The following IQCH variants were observed in gnomAD, a reference collection of about 807,000 sequenced individuals.
The protein encoded by IQCH is IQ domain-containing protein H.
A neutral mutation model predicts 117.0 loss-of-function variants in IQCH; 98 were observed. That is an observed-to-expected ratio of 0.84 (90% CI 0.71 to 0.99). IQCH has a LOEUF of 0.99. Among genes scored for constraint, IQCH ranks in the 50% least tolerant of loss-of-function variants. The probability of loss-of-function intolerance (pLI) is 0.00; values close to 1 mark genes in which losing one functional copy is unlikely to be tolerated. For synonymous variants in IQCH, 412 were observed against 448.2 expected, an observed-to-expected ratio of 0.92 and a Z score of 1.02; for missense variants, 1,102 against 1,243.8, an observed-to-expected ratio of 0.89 and a Z score of 1.72.
intron 4 of IQCH, among the ~76,000 whole-genome samples, chr15:67,291,487 A>G (rs979872682): frequency 2.0e-5 from 3 of 152,220 alleles, no homozygotes; most frequent in African/African-American, 7.2e-5. Context: ...CATAAAAAAA[A>G]TACTGTGCTC....
chr15:67,333,285 C>A (rs540101939), intron 4 of IQCH, among the ~76,000 whole-genome samples: 1 of 152,318 alleles, frequency 6.6e-6, no homozygotes, highest in Admixed American at 6.5e-5. Flanking sequence ...AACTACAAAA[C>A]AACAAATCTG....
At position 67,465,361 on chromosome 15, in the gene IQCH, C is replaced by A. The variant is rs1250156554; in HGVS notation, c.2676+64C>A. 1 of 1,528,740 alleles carries A rather than the reference C, an allele frequency of 6.5e-7. No individual in the cohort carries two copies. The highest frequency in any genetic ancestry group is 2.2e-5 in the East Asian group (1 of 44,510). 94.7% of individuals were successfully genotyped at this position (1,528,740 alleles called of 1,614,324 possible). A position where few individuals can be genotyped will look rare whatever the true frequency, so the allele number is the denominator to read the frequency against. ...GCAACACCCACTGCCACTGCCTGAG[C>A]TCTGTCTAGGAGCCAGGATCTTTGA... On this transcript the variant is annotated intron_variant, in intron 17 of 20. Coordinates refer to ENST00000335894, the MANE Select transcript of IQCH (RefSeq NM_001031715.3). This position sits in a 1 kb window ranked among gnomAD's most constrained non-coding sequence, Gnocchi z 5.9.
intron 12 of IQCH, among the ~76,000 whole-genome samples, chr15:67,392,173 G>C (rs941326138): frequency 6.6e-6 from 1 of 152,162 alleles, no homozygotes; most frequent in Admixed American, 6.5e-5. Flanking sequence ...TCAGTGACAT[G>C]TGGATCAAAT....
At chr15:67,284,221 T>C (rs1456286333) in intron 4 of IQCH, among the ~76,000 whole-genome samples, 3 of 152,156 alleles carry the variant, frequency 2.0e-5, no homozygotes, top group African/African-American at 7.2e-5. Flanking sequence ...CTAGTAACTA[T>C]CCTTCTACTT....
intron 4 of IQCH, among the ~76,000 whole-genome samples, chr15:67,297,592 A>G (rs1401198359): frequency 6.6e-6 from 1 of 152,136 alleles, no homozygotes; most frequent in Non-Finnish European, 1.5e-5. Flanking sequence ...TCCCTCCATC[A>G]TGCCGAAAAC....
intron 3 of IQCH, among the ~76,000 whole-genome samples, chr15:67,269,084 T>C (rs371544021): frequency 1.3e-5 from 2 of 148,632 alleles, no homozygotes; most frequent in South Asian, 4.2e-4. Flanking sequence ...CTCACAGAGA[T>C]GGAAATGCAA....
chr15:67,305,231 A>T (rs1171546839), intron 4 of IQCH, among the ~76,000 whole-genome samples: 1 of 152,108 alleles, frequency 6.6e-6, no homozygotes, highest in East Asian at 1.9e-4. Context: ...AAAACTAAAA[A>T]CAAGATTAAT....
chr15:67,384,868 A>G lies in IQCH; in HGVS notation c.1373-68A>G. On this transcript the variant is annotated intron_variant, in intron 10 of 20. Coordinates refer to ENST00000335894, the MANE Select transcript of IQCH (RefSeq NM_001031715.3). The surrounding 1 kb of genome is among the most constrained non-coding windows in gnomAD (Gnocchi z 4.3). ...GAAATATGGACTGTGACATTTTGAAATTCTCTTGTGCCATTTTGCTATATC... is the reference window on the plus strand; with the variant it reads ...GAAATATGGACTGTGACATTTTGAAGTTCTCTTGTGCCATTTTGCTATATC... 9.9e-7 allele frequency: 1 copy of G among 1,011,752 alleles called. No homozygotes were observed. The highest frequency in any genetic ancestry group is 1.8e-5 in the Admixed American group (1 of 56,522). 62.7% of individuals were successfully genotyped at this position (1,011,752 alleles called of 1,614,324 possible). A position where few individuals can be genotyped will look rare whatever the true frequency, so the allele number is the denominator to read the frequency against.
intron 16 of IQCH, among the ~76,000 whole-genome samples, chr15:67,461,066 G>C (rs1272109032): frequency 6.6e-6 from 1 of 152,168 alleles, no homozygotes; most frequent in Non-Finnish European, 1.5e-5. Flanking sequence ...GTTACCATCA[G>C]AGTCCCAAAT....
intron 4 of IQCH, among the ~76,000 whole-genome samples, chr15:67,335,900 A>G (rs1172143819): frequency 2.0e-5 from 3 of 152,128 alleles, no homozygotes; most frequent in South Asian, 2.1e-4. Flanking sequence ...TTGTCCAGAC[A>G]TTTCTCAGCT....
At chr15:67,399,109 C>T (rs559546014) in intron 13 of IQCH, among the ~76,000 whole-genome samples, 2 of 152,256 alleles carry the variant, frequency 1.3e-5, no homozygotes, top group East Asian at 3.9e-4. Flanking sequence ...TTCTCCACCT[C>T]TCTGTGGGTT....
rs1970510923 is a variant in IQCH, at chr15:67,370,981, GT to G, written c.754-1124del. ...AATTGCTGGGGGGGGTTTTCTTTGA[GT>G]TTTTTGAAAACTCTTCAAAATGCGA... is the stretch of plus-strand genomic sequence containing the variant. On this transcript the variant is annotated intron_variant, in intron 8 of 20. Coordinates refer to ENST00000335894, the MANE Select transcript of IQCH (RefSeq NM_001031715.3). This position sits in a 1 kb window ranked among gnomAD's most constrained non-coding sequence, Gnocchi z 5.6. 6.6e-6 allele frequency among the ~76,000 whole-genome samples: 1 copy of G among 151,382 alleles called. No homozygotes were observed. Among genetic ancestry groups the G allele is most frequent in the Non-Finnish European group, 1.5e-5 (1 of 67,880 alleles).
chr15:67,487,214 T>A (rs1419458753), intron 18 of IQCH, among the ~76,000 whole-genome samples: 1 of 152,142 alleles, frequency 6.6e-6, no homozygotes, highest in Admixed American at 6.5e-5. Flanking sequence ...GCGCCTGTAG[T>A]CCCAGCTACT....
In IQCH at chr15:67,415,098, G is replaced by A. The variant is rs115371314; in HGVS notation, c.2098-1833G>A. On this transcript the variant is annotated intron_variant, in intron 14 of 20. Transcript: ENST00000335894. Reference sequence around the variant, plus strand: ...TGTAAAACAAAAGAAAGATGGATTTGGGGGACTGTTCAGAGAAGGAACAAA... The same window carrying A: ...TGTAAAACAAAAGAAAGATGGATTTAGGGGACTGTTCAGAGAAGGAACAAA... 3.1e-3 allele frequency among the ~76,000 whole-genome samples: 473 copies of A among 152,274 alleles called. 2 individuals are homozygous for A. Among genetic ancestry groups the A allele is most frequent in the African/African-American group, 0.011 (464 of 41,546 alleles).
rs998077919 is a variant in IQCH, at chr15:67,485,456, A to G, written c.2800-4547A>G. Among the ~76,000 whole-genome samples, 17 of 152,208 alleles carry G rather than the reference A, an allele frequency of 1.1e-4. 1 individual carries two copies. The highest frequency in any genetic ancestry group is 3.9e-4 in the African/African-American group (16 of 41,442). On this transcript the variant is annotated intron_variant, in intron 18 of 20. Transcript: ENST00000335894. Reference sequence around the variant, plus strand: ...GAGGAAACAATCTAACTTTCCTGCAATTAGTGTCCCACAAGGAGAAGAGGG... The same window carrying G: ...GAGGAAACAATCTAACTTTCCTGCAGTTAGTGTCCCACAAGGAGAAGAGGG...
intron 4 of IQCH, among the ~76,000 whole-genome samples, chr15:67,299,663 C>G (rs1966925938): frequency 6.6e-6 from 1 of 152,116 alleles, no homozygotes; most frequent in African/African-American, 2.4e-5. Flanking sequence ...GTTCTTCCCA[C>G]AGTCTGGATT....
intron 18 of IQCH, among the ~76,000 whole-genome samples, chr15:67,482,087 C>T (rs1400673025): frequency 1.3e-5 from 2 of 152,148 alleles, no homozygotes; most frequent in Admixed American, 1.3e-4. Flanking sequence ...AATATAATCT[C>T]TAATATCCAC....
intron 14 of IQCH, among the ~76,000 whole-genome samples, chr15:67,409,976 A>G (rs996660151): frequency 6.6e-6 from 1 of 152,210 alleles, no homozygotes; most frequent in Non-Finnish European, 1.5e-5. Flanking sequence ...CTTGCCAAAG[A>G]CATTTTCATT....
intron 4 of IQCH, among the ~76,000 whole-genome samples, chr15:67,305,728 G>T (rs2140543880): frequency 6.6e-6 from 1 of 152,156 alleles, no homozygotes; most frequent in South Asian, 2.1e-4. Context: ...GAGTACTGGA[G>T]TTTTAAAAGG....
Sources: allele counts gnomAD v4.1 joint callset (sites outside exome capture counted in the v4.1 genomes callset), GRCh38; gene constraint gnomAD v4.1.1; non-coding constraint Gnocchi (gnomAD v3.1); transcripts MANE v1.5; gene names NCBI Gene and HGNC (gene_info 2026-07-23, HGNC 2026-07-21).